Variants in PIEZO2 observed in about 807,000 individuals in gnomAD.
PIEZO2 encodes the protein piezo type mechanosensitive ion channel component 2, also known as piezo-type mechanosensitive ion channel component 2.
PIEZO2 carries 172 observed loss-of-function variants against 337.3 expected under a neutral mutation model. The ratio of observed to expected loss-of-function variants is 0.51; its 90% CI spans 0.45 to 0.58. The LOEUF (loss-of-function observed/expected upper bound fraction) is 0.58, where lower values mean the gene tolerates loss of function less well. PIEZO2 is among the 20% of genes least tolerant of loss of function. PIEZO2 has a pLI of 0.00. For missense variants in PIEZO2, 3,028 were observed against 3,391.3 expected (o/e 0.89, Z 2.66); for synonymous variants, 1,251 against 1,228.5 (o/e 1.02, Z -0.38).
At chr18:11,088,697 A>G (rs897568176) in intron 1 of PIEZO2, among the ~76,000 whole-genome samples, 1 of 152,176 alleles carries the variant, frequency 6.6e-6, no homozygotes, top group Non-Finnish European at 1.5e-5. Context: ...GCTACAAAGG[A>G]GACTAGAGAA....
chr18:11,099,788 T>C lies in PIEZO2; in HGVS notation c.65-33566A>G, dbSNP rs2039357657. Among the ~76,000 whole-genome samples the C allele has an allele frequency of 6.6e-6, 1 of 152,250 alleles. No homozygotes were observed. Among genetic ancestry groups the C allele is most frequent in the African/African-American group, 2.4e-5 (1 of 41,470 alleles). On this transcript the variant is annotated intron_variant, in intron 1 of 55. Transcript: ENST00000674853. This position sits in a 1 kb window ranked among gnomAD's most constrained non-coding sequence, Gnocchi z 5.4. ...TCTTTATTCTTAATGAGGTTGATTT[T>C]CTTTTTATTTGATTCATTAGTGATT... is the stretch of plus-strand genomic sequence containing the variant.
rs962298143 is a variant in PIEZO2 at position 11,016,843 on chromosome 18, G to A, written c.161-37183C>T. Among the ~76,000 whole-genome samples the A allele has an allele frequency of 2.0e-5, 3 of 152,004 alleles. No homozygotes were observed. The highest frequency in any genetic ancestry group is 4.4e-5 in the Non-Finnish European group (3 of 67,988). On this transcript the variant is annotated intron_variant, in intron 2 of 55. Coordinates refer to ENST00000674853, the MANE Select transcript of PIEZO2 (RefSeq NM_001378183.1). This position sits in a 1 kb window ranked among gnomAD's most constrained non-coding sequence, Gnocchi z 5.6. Reference sequence around the variant, plus strand: ...CTTGTTGGAAAAACTCCATCCTTTTGTTATTTCCTTCTCCCCTAATAATTG... The same window carrying A: ...CTTGTTGGAAAAACTCCATCCTTTTATTATTTCCTTCTCCCCTAATAATTG...
chr18:10,829,217 G>T (rs1797828883), intron 7 of PIEZO2, among the ~76,000 whole-genome samples: 1 of 151,702 alleles, frequency 6.6e-6, no homozygotes, highest in Non-Finnish European at 1.5e-5. Context: ...CTCAAAGTAG[G>T]ATATTTTGGG....
Position 10,979,755 on chromosome 18 carries a change from G to A in PIEZO2, c.161-95C>T, listed in dbSNP as rs2034594273. 2 of 1,128,574 alleles carry A rather than the reference G, an allele frequency of 1.8e-6. No homozygotes were observed. The highest frequency in any genetic ancestry group is 2.3e-6 in the Non-Finnish European group (2 of 862,006). The allele number at this position is 1,128,574 out of a possible 1,614,324, so 69.9% of individuals were successfully genotyped here. On this transcript the variant is annotated intron_variant, in intron 2 of 55. Transcript: ENST00000674853. The surrounding 1 kb of genome is among the most constrained non-coding windows in gnomAD (Gnocchi z 4.0). ...ATATTTCTGTATAACCTATTAGATA[G>A]ACCGACTCAAAAGTATATGGAATGT...
In PIEZO2 at chr18:10,943,485, G is replaced by C. The variant is rs926050472; in HGVS notation, c.287-32257C>G. 3.9e-5 allele frequency among the ~76,000 whole-genome samples: 6 copies of C among 152,166 alleles called. No individual in the cohort carries two copies. Among genetic ancestry groups the C allele is most frequent in the Admixed American group, 3.3e-4 (5 of 15,272 alleles). ...CCCTGCTGGATTTCAGACTTGCATG[G>C]GGCCTGTAGCACCTTAGTTTTGGCC... On this transcript the variant is annotated intron_variant, in intron 3 of 55. Transcript: ENST00000674853. The surrounding 1 kb of genome is among the most constrained non-coding windows in gnomAD (Gnocchi z 4.5).
At chr18:10,947,021 T>TA (rs1330424435) in intron 3 of PIEZO2, among the ~76,000 whole-genome samples, 1 of 151,528 alleles carries the variant, frequency 6.6e-6, no homozygotes, top group Non-Finnish European at 1.5e-5. Flanking sequence ...TAGAAGTTAT[T>TA]AAAAAAACAA....
chr18:10,789,225 G>A lies in PIEZO2; in HGVS notation c.2023C>T (p.Leu675=). The change falls in exon 15 of 56, where the codon CTG becomes TTG. Residue 675 remains leucine, a synonymous_variant. Coordinates refer to ENST00000674853, the MANE Select transcript of PIEZO2 (RefSeq NM_001378183.1). ...EEDEQDIMKV[L]GNLVVAMFIK... The stretch of plus-strand genomic sequence containing the variant: ...AACATGGCCACCACCAGATTGCCCA[G>A]GACTTTCATGATGTCCTGCTCATCT... The A allele has an allele frequency of 3.9e-6, 6 of 1,537,308 alleles. No individual in the cohort carries two copies. The highest frequency in any genetic ancestry group is 4.4e-6 in the Non-Finnish European group (5 of 1,146,928).
At chr18:11,140,479 C>T (rs905643367) in intron 1 of PIEZO2, among the ~76,000 whole-genome samples, 3 of 152,242 alleles carry the variant, frequency 2.0e-5, no homozygotes, top group African/African-American at 7.2e-5. Flanking sequence ...CATTCCCACA[C>T]ACTTTCCTCT....
chr18:10,902,460 T>A (rs980090556), intron 4 of PIEZO2, among the ~76,000 whole-genome samples: 19 of 152,166 alleles, frequency 1.2e-4, no homozygotes, highest in African/African-American at 4.6e-4. Flanking sequence ...TGACAGTGTG[T>A]TTTTGAGCTT....
intron 39 of PIEZO2, among the ~76,000 whole-genome samples, chr18:10,710,664 G>A (rs1391042373): frequency 1.3e-5 from 2 of 152,182 alleles, no homozygotes; most frequent in Non-Finnish European, 2.9e-5. Context: ...TCATGCCACT[G>A]GCCTCGGAGC....
chr18:10,937,277 A>C (rs1158830492), intron 3 of PIEZO2, among the ~76,000 whole-genome samples: 1 of 152,162 alleles, frequency 6.6e-6, no homozygotes, highest in East Asian at 1.9e-4. Context: ...CCTAGCAAAC[A>C]CAAGGAGGTT....
At chr18:10,674,115 A>G (rs1183809179) in intron 54 of PIEZO2, among the ~76,000 whole-genome samples, 1 of 152,206 alleles carries the variant, frequency 6.6e-6, no homozygotes, top group East Asian at 1.9e-4. Flanking sequence ...AAGGCACAGC[A>G]TGATCCTATT....
rs2040598547 is a variant in PIEZO2 at position 10,824,078 on chromosome 18, A to G, written c.918-16804T>C. Among the ~76,000 whole-genome samples the G allele has an allele frequency of 6.6e-6, 1 of 152,194 alleles. No homozygotes were observed. Among genetic ancestry groups the G allele is most frequent in the African/African-American group, 2.4e-5 (1 of 41,432 alleles). On this transcript the variant is annotated intron_variant, in intron 7 of 55. Coordinates refer to ENST00000674853, the MANE Select transcript of PIEZO2 (RefSeq NM_001378183.1). The surrounding 1 kb of genome is among the most constrained non-coding windows in gnomAD (Gnocchi z 4.4). ...CTACATATGTATGCACCCATAAATA[A>G]TACATACAATTGTTATATGAATTTA...
At chr18:10,898,313 C>T (rs781421930) in intron 4 of PIEZO2, among the ~76,000 whole-genome samples, 163 of 152,026 alleles carry the variant, frequency 1.1e-3, no homozygotes, top group Non-Finnish European at 1.9e-3. Flanking sequence ...CCCAGCTACT[C>T]GGGAGGCTGA....
chr18:10,944,517 GATATAT>G (rs368272727), intron 3 of PIEZO2, among the ~76,000 whole-genome samples: 590 of 49,834 alleles, frequency 0.012, 12 homozygotes, highest in Middle Eastern at 0.039. Context: ...CTTAGTAACA[GATATAT>G]ATATATATAT....
chr18:10,818,911 G>A (rs968683823), intron 7 of PIEZO2, among the ~76,000 whole-genome samples: 1 of 152,012 alleles, frequency 6.6e-6, no homozygotes, highest in African/African-American at 2.4e-5. Flanking sequence ...TCATTTTAAT[G>A]GAAACAGGAA....
rs1329247917 is a variant in PIEZO2, at chr18:11,098,268, C to G, written c.65-32046G>C. On this transcript the variant is annotated intron_variant, in intron 1 of 55. Transcript: ENST00000674853. ...ATACACACACACACACACACACACA[C>G]ACACACGAAAAAATAAACATATAAA... is the stretch of plus-strand genomic sequence containing the variant. 2.3e-5 allele frequency among the ~76,000 whole-genome samples: 3 copies of G among 131,726 alleles called. No individual in the cohort carries two copies. In the East Asian group the frequency reaches 6.4e-4, roughly 28 times the overall value. The allele number at this position is 131,726 out of a possible 152,430, so 86.4% of individuals were successfully genotyped here. A position where few individuals can be genotyped will look rare whatever the true frequency, so the allele number is the denominator to read the frequency against.
intron 3 of PIEZO2, among the ~76,000 whole-genome samples, chr18:10,923,648 C>A (rs1389855304): frequency 6.6e-6 from 1 of 152,204 alleles, no homozygotes; most frequent in African/African-American, 2.4e-5. Context: ...GCTTCAATGA[C>A]ACTCAGCTTT....
intron 3 of PIEZO2, among the ~76,000 whole-genome samples, chr18:10,970,183 A>AG (rs2034176367): frequency 6.6e-6 from 1 of 152,220 alleles, no homozygotes; most frequent in Non-Finnish European, 1.5e-5. Context: ...ATCTGGAGGA[A>AG]GTGGCCAGTA....
Sources: gnomAD v4.1 joint callset for allele counts (sites outside exome capture counted in the v4.1 genomes callset) on GRCh38, gnomAD v4.1.1 for gene constraint, Gnocchi (gnomAD v3.1) non-coding constraint, MANE v1.5 for transcripts, NCBI Gene and HGNC (gene_info 2026-07-23, HGNC 2026-07-21) for gene names.